SOX6: variants seen among roughly 807,000 people sequenced by gnomAD.
The protein encoded by SOX6 is transcription factor SOX-6.
Under a neutral mutation model 97.8 loss-of-function variants are expected in SOX6, and 11 were observed. The observed-to-expected ratio is 0.11, with a 90% CI of 0.07 to 0.19. The LOEUF (loss-of-function observed/expected upper bound fraction) is 0.19. SOX6 is among the 10% of genes least tolerant of loss of function. The pLI, the probability that SOX6 is intolerant of heterozygous loss-of-function variation, is 1.00. For synonymous variants in SOX6, 360 were observed against 371.4 expected, an observed-to-expected ratio of 0.97 and a Z score of 0.35; for missense variants, 810 against 1,039.5, an observed-to-expected ratio of 0.78 and a Z score of 3.04.
At chr11:16,262,261 C>T (rs910512511) in intron 3 of SOX6, among the ~76,000 whole-genome samples, 3 of 152,022 alleles carry the variant, frequency 2.0e-5, no homozygotes, top group Admixed American at 6.6e-5. Flanking sequence ...ACAATGTAGT[C>T]CTGAAAACCA....
intron 4 of SOX6, among the ~76,000 whole-genome samples, chr11:16,530,468 C>T (rs769720057): frequency 1.3e-5 from 2 of 151,882 alleles, no homozygotes; most frequent in African/African-American, 4.8e-5. Flanking sequence ...AGTGAAACAC[C>T]TAAAAGCTCA....
At chr11:16,205,598 CA>C (rs1263405671) in intron 4 of SOX6, among the ~76,000 whole-genome samples, 2 of 151,778 alleles carry the variant, frequency 1.3e-5, no homozygotes. Context: ...ATTTAACAGC[CA>C]AAATGAGGCC....
rs144167334 is a variant in SOX6 at position 16,206,938 on chromosome 11, G to A, written c.536-19983C>T. Among the ~76,000 whole-genome samples the A allele has an allele frequency of 2.0e-4, 31 of 152,172 alleles. No individual in the cohort carries two copies. The East Asian group carries it at 5.4e-3, about 27-fold the overall frequency. ...AAAGGCTCTCAACTAATAAAGTCCA[G>A]ACTTTCCAACATGATATACATAGCA... On this transcript the variant is annotated intron_variant, in intron 4 of 15. Coordinates refer to ENST00000683767, the MANE Select transcript of SOX6 (RefSeq NM_001367873.1).
intron 4 of SOX6, among the ~76,000 whole-genome samples, chr11:16,564,541 C>A (rs1847848739): frequency 6.6e-6 from 1 of 151,936 alleles, no homozygotes; most frequent in Non-Finnish European, 1.5e-5. Context: ...GAACATATAC[C>A]AAGATAGACA....
intron 2 of SOX6, among the ~76,000 whole-genome samples, chr11:16,325,285 C>T (rs975291800): frequency 6.6e-6 from 1 of 151,930 alleles, no homozygotes; most frequent in Non-Finnish European, 1.5e-5. Context: ...GAATATAACA[C>T]CAATTATTTA....
intron 3 of SOX6, among the ~76,000 whole-genome samples, chr11:16,660,295 T>C (rs1345687039): frequency 6.6e-6 from 1 of 152,202 alleles, no homozygotes; most frequent in Non-Finnish European, 1.5e-5. Context: ...ATAAGTTGCA[T>C]TTTTATTTTA....
At chr11:16,502,027 G>C (rs1371629658) in intron 4 of SOX6, among the ~76,000 whole-genome samples, 1 of 152,140 alleles carries the variant, frequency 6.6e-6, no homozygotes, top group Admixed American at 6.5e-5. Flanking sequence ...GTTTATTGCG[G>C]CACTATTCAC....
At chr11:16,211,459 TA>T (rs72109927) in intron 4 of SOX6, among the ~76,000 whole-genome samples, 2 of 149,964 alleles carry the variant, frequency 1.3e-5, no homozygotes, top group Admixed American at 6.6e-5. Flanking sequence ...AGAGTTAAAT[TA>T]AAAAAAAAAA....
intron 9 of SOX6, among the ~76,000 whole-genome samples, chr11:16,059,021 G>T (rs1215193722): frequency 6.6e-6 from 1 of 151,970 alleles, no homozygotes; most frequent in African/African-American, 2.4e-5. Flanking sequence ...CATTTTAGAG[G>T]TTCAGCTCCC....
intron 1 of SOX6, among the ~76,000 whole-genome samples, chr11:16,382,957 C>T (rs35706721): frequency 6.6e-6 from 1 of 151,768 alleles, no homozygotes; most frequent in Non-Finnish European, 1.5e-5. Context: ...AAACTTTTTG[C>T]TCCCTTTTCA....
chr11:16,230,885 G>A (rs568657884), intron 4 of SOX6, among the ~76,000 whole-genome samples: 1 of 151,612 alleles, frequency 6.6e-6, no homozygotes, highest in Admixed American at 6.6e-5. Context: ...CTGATAAATG[G>A]TTCCAAATAT....
intron 3 of SOX6, among the ~76,000 whole-genome samples, chr11:16,626,867 G>A (rs531766263): frequency 7.9e-5 from 12 of 152,040 alleles, no homozygotes; most frequent in Non-Finnish European, 1.8e-4. Context: ...ATGTGCAGGT[G>A]TGTTACCTGG....
intron 4 of SOX6, among the ~76,000 whole-genome samples, chr11:16,585,436 G>A (rs968110832): frequency 6.6e-6 from 1 of 152,150 alleles, no homozygotes; most frequent in African/African-American, 2.4e-5. Context: ...GGCCTGAAGA[G>A]ATTAAAACAA....
chr11:16,629,068 A>G (rs1209721023), intron 3 of SOX6, among the ~76,000 whole-genome samples: 1 of 152,086 alleles, frequency 6.6e-6, no homozygotes, highest in Admixed American at 6.6e-5. Flanking sequence ...TTCTTTTCCT[A>G]TTTGGTTGAC....
At chr11:16,184,388 A>G (rs911848988) in intron 5 of SOX6, among the ~76,000 whole-genome samples, 1 of 152,136 alleles carries the variant, frequency 6.6e-6, no homozygotes, top group Non-Finnish European at 1.5e-5. Context: ...ACCTTTCCTG[A>G]TACAAAGATT....
chr11:16,048,557 T>C (rs1263981973), intron 11 of SOX6, among the ~76,000 whole-genome samples: 1 of 152,152 alleles, frequency 6.6e-6, no homozygotes, highest in Non-Finnish European at 1.5e-5. Context: ...ATTCTACCTG[T>C]AAAAACCACA....
intron 4 of SOX6, among the ~76,000 whole-genome samples, chr11:16,485,575 C>CA (rs1860414716): frequency 1.3e-5 from 2 of 151,676 alleles, no homozygotes; most frequent in Non-Finnish European, 2.9e-5. Flanking sequence ...ACTAAAGATA[C>CA]AAAAAATAAG....
At chr11:16,390,988 T>C (rs550410573) in intron 1 of SOX6, among the ~76,000 whole-genome samples, 1 of 152,270 alleles carries the variant, frequency 6.6e-6, no homozygotes, top group East Asian at 1.9e-4. Context: ...GTGGCACATA[T>C]ACACCATGGA....
intron 3 of SOX6, among the ~76,000 whole-genome samples, chr11:16,253,310 T>C (rs915603736): frequency 3.3e-5 from 5 of 151,270 alleles, no homozygotes; most frequent in Non-Finnish European, 5.9e-5. Context: ...GATCACACCA[T>C]TGCACTCCAG....
Sources: gnomAD v4.1 joint callset for allele counts (sites outside exome capture counted in the v4.1 genomes callset) on GRCh38, gnomAD v4.1.1 for gene constraint, MANE v1.5 for transcripts, NCBI Gene and HGNC (gene_info 2026-07-23, HGNC 2026-07-21) for gene names.